LRRC17: variants seen among roughly 807,000 people sequenced by gnomAD.
The protein encoded by LRRC17 is leucine rich repeat containing 17, also known as leucine-rich repeat-containing protein 17.
LRRC17 carries 33 observed loss-of-function variants against 41.5 expected under a neutral mutation model. The observed-to-expected ratio is 0.80, with a 90% CI of 0.60 to 1.06. The LOEUF is 1.06. Ranked by LOEUF, LRRC17 falls within the 50% of genes least tolerant of loss-of-function variation. The pLI, the probability that LRRC17 is intolerant of heterozygous loss-of-function variation, is 0.00. For synonymous variants in LRRC17, 192 were observed against 197.0 expected (o/e 0.97, Z 0.21); for missense variants, 491 against 519.3 (o/e 0.95, Z 0.53).
intron 3 of LRRC17, among the ~76,000 whole-genome samples, chr7:102,941,257 A>G (rs1471698114): frequency 6.6e-6 from 1 of 152,184 alleles, no homozygotes; most frequent in Non-Finnish European, 1.5e-5. Context: ...TTAGCATTAC[A>G]TTAGTGTGCA....
chr7:102,944,628 T>C lies in LRRC17; in HGVS notation c.*21T>C. ...GATAAGGTAGAAATTGTTCTGATTG[T>C]AATTAGTTTTGTATTTTCTATACTG... On this transcript the variant is annotated 3_prime_UTR_variant, in exon 4 of 4. Transcript: ENST00000339431. The C allele has an allele frequency of 6.4e-7, 1 of 1,558,696 alleles. No homozygotes were observed. Among genetic ancestry groups the C allele is most frequent in the Non-Finnish European group, 8.6e-7 (1 of 1,157,982 alleles).
In LRRC17 at chr7:102,913,103, G is replaced by A. The variant is rs763482414; in HGVS notation, c.-183G>A. 1 of 1,614,202 alleles carries A rather than the reference G, an allele frequency of 6.2e-7. No individual in the cohort carries two copies. Among genetic ancestry groups the A allele is most frequent in the Non-Finnish European group, 8.5e-7 (1 of 1,180,028 alleles). On this transcript the variant is annotated 5_prime_UTR_variant, in exon 1 of 4. Coordinates refer to ENST00000339431, the MANE Select transcript of LRRC17 (RefSeq NM_001031692.3). Reference sequence around the variant, plus strand: ...AGACAAACCTGGGTGCAGCCAGAGAGGTCCAGATAGATGAGCTTGTGGCAT... The same window carrying A: ...AGACAAACCTGGGTGCAGCCAGAGAAGTCCAGATAGATGAGCTTGTGGCAT...
chr7:102,935,226 CT>C (rs201080434), intron 2 of LRRC17, among the ~76,000 whole-genome samples: 2,064 of 131,316 alleles, frequency 0.016, 20 homozygotes, highest in Middle Eastern at 0.045. Flanking sequence ...GCTCATGCTC[CT>C]TTTTTTTTTT....
chr7:102,938,364 T>C (rs145444809), intron 2 of LRRC17, among the ~76,000 whole-genome samples: 2 of 152,346 alleles, frequency 1.3e-5, no homozygotes, highest in African/African-American at 2.4e-5. Flanking sequence ...GTATATGCAA[T>C]AAACAGGGCC....
In LRRC17 at chr7:102,937,696, C is replaced by T. The variant is rs565017464; in HGVS notation, c.773-1734C>T. Among the ~76,000 whole-genome samples the T allele has an allele frequency of 3.9e-5, 6 of 152,182 alleles. No homozygotes were observed. The South Asian group carries it at 1.2e-3, about 32-fold the overall frequency. ...TTAAATTCCCTTTGGTAGTGCCTGCCACAGAGCCATGTGCTTTAGATTGAT... is the reference window on the plus strand; with the variant it reads ...TTAAATTCCCTTTGGTAGTGCCTGCTACAGAGCCATGTGCTTTAGATTGAT... On this transcript the variant is annotated intron_variant, in intron 2 of 3. Transcript: ENST00000339431.
chr7:102,943,524 C>A (rs1344852163), intron 3 of LRRC17, among the ~76,000 whole-genome samples: 1 of 152,100 alleles, frequency 6.6e-6, no homozygotes, highest in Admixed American at 6.5e-5. Flanking sequence ...ATTCTCTCCA[C>A]AAAGGTAGTA....
Position 102,934,014 on chromosome 7 carries a change from G to T in LRRC17, c.101G>T (p.Arg34Leu). 1.2e-6 allele frequency: 2 copies of T among 1,614,074 alleles called. No individual in the cohort carries two copies. Among genetic ancestry groups the T allele is most frequent in the South Asian group, 1.1e-5 (1 of 91,068 alleles). ...GTGAGAAGCCGAGTGAATCATGGCC[G>T]GGCGGGTGGAGGCCGGAGAGGCTCC... ...GSVRSRVNHG[R>L]AGGGRRGSNP... The change falls in exon 2 of 4, where the codon CGG (arginine) becomes CTG (leucine). Residue 34 changes from arginine (R) to leucine (L), a missense_variant. By Grantham distance (102) the Arg-to-Leu change is moderately radical. Coordinates refer to ENST00000339431, the MANE Select transcript of LRRC17 (RefSeq NM_001031692.3).
chr7:102,923,778 T>C (rs1273452281), intron 1 of LRRC17, among the ~76,000 whole-genome samples: 2 of 151,496 alleles, frequency 1.3e-5, no homozygotes, highest in African/African-American at 4.9e-5. Context: ...TGAGCCAAGA[T>C]TGCACCACTG....
At chr7:102,917,987 C>T (rs1213315768) in intron 1 of LRRC17, among the ~76,000 whole-genome samples, 1 of 152,118 alleles carries the variant, frequency 6.6e-6, no homozygotes, top group African/African-American at 2.4e-5. Context: ...AAAAAATATT[C>T]AAATAAAAAG....
chr7:102,926,451 C>T (rs1818154326), intron 1 of LRRC17: 1 of 1,114,028 alleles, frequency 9.0e-7, no homozygotes, highest in Admixed American at 2.4e-5. Context: ...TTCTATTATC[C>T]CTCTTCCTGT....
At chr7:102,927,940 T>C (rs1818448058) in intron 1 of LRRC17, among the ~76,000 whole-genome samples, 1 of 152,228 alleles carries the variant, frequency 6.6e-6, no homozygotes, top group South Asian at 2.1e-4. Flanking sequence ...TGAAAGACCT[T>C]GGCAAAATGC....
At chr7:102,922,241 G>C (rs1817198485) in intron 1 of LRRC17, among the ~76,000 whole-genome samples, 1 of 151,378 alleles carries the variant, frequency 6.6e-6, no homozygotes, top group African/African-American at 2.4e-5. Flanking sequence ...CTGAGTGAAA[G>C]AGGAAAGCAA....
Position 102,934,419 on chromosome 7 carries a change from G to C in LRRC17, c.506G>C (p.Cys169Ser). The C allele has an allele frequency of 1.2e-6, 2 of 1,614,194 alleles. No individual in the cohort carries two copies. The highest frequency in any genetic ancestry group is 1.7e-6 in the Non-Finnish European group (2 of 1,180,040). ...TATGACAACCCCTGGCACTGTACTT[G>C]TGAGATAGAAACGCTTATTTCAATG... is the stretch of plus-strand genomic sequence containing the variant. ...RLYDNPWHCT[C>S]EIETLISMLQ... Residue 169 changes from cysteine (C) to serine (S), a missense_variant, in exon 2 of 4, where the codon TGT (cysteine) becomes TCT (serine). By Grantham distance (112) the Cys-to-Ser change is moderately radical. Transcript: ENST00000339431.
At chr7:102,936,529 T>C (rs1448125998) in intron 2 of LRRC17, among the ~76,000 whole-genome samples, 1 of 152,240 alleles carries the variant, frequency 6.6e-6, no homozygotes, top group African/African-American at 2.4e-5. Flanking sequence ...GATATTGTTA[T>C]GGTGAGTCCT....
At chr7:102,944,089 A>G in intron 3 of LRRC17, 121 bp from the exon 4 acceptor site, 1 of 767,346 alleles carries the variant, frequency 1.3e-6, no homozygotes, top group Non-Finnish European at 2.0e-6. Flanking sequence ...AGGAAAAGAA[A>G]TCTCTTTATT....
intron 3 of LRRC17, among the ~76,000 whole-genome samples, 173 bp from the exon 4 acceptor site, chr7:102,944,037 A>G (rs1030969721): frequency 1.3e-5 from 2 of 152,248 alleles, no homozygotes; most frequent in Non-Finnish European, 2.9e-5. Context: ...GAAAGTACTT[A>G]TAGTTAAAAG....
intron 1 of LRRC17, among the ~76,000 whole-genome samples, chr7:102,929,969 G>A (rs759178444): frequency 2.2e-4 from 33 of 152,042 alleles, no homozygotes; most frequent in African/African-American, 3.1e-4. Flanking sequence ...GGAAAGACCC[G>A]ATAGCATTGA....
intron 1 of LRRC17, among the ~76,000 whole-genome samples, chr7:102,921,045 G>A (rs914856238): frequency 4.6e-5 from 7 of 152,054 alleles, no homozygotes; most frequent in Non-Finnish European, 8.8e-5. Context: ...CCAGCTACTC[G>A]GGAGGCTGAG....
chr7:102,915,070 C>T (rs978743768), intron 1 of LRRC17, among the ~76,000 whole-genome samples: 1 of 152,056 alleles, frequency 6.6e-6, no homozygotes, highest in Non-Finnish European at 1.5e-5. Flanking sequence ...TTACTGCAAC[C>T]TCCCTAATCT....
Sources: gnomAD v4.1 joint callset for allele counts (sites outside exome capture counted in the v4.1 genomes callset) on GRCh38, gnomAD v4.1.1 for gene constraint, MANE v1.5 for transcripts, NCBI Gene and HGNC (gene_info 2026-07-23, HGNC 2026-07-21) for gene names.